The following TMTC2 variants were observed in gnomAD, a reference collection of about 807,000 sequenced individuals.
TMTC2 encodes the protein transmembrane O-mannosyltransferase targeting cadherins 2, also known as protein O-mannosyl-transferase TMTC2.
TMTC2 carries 43 observed loss-of-function variants against 82.4 expected under a neutral mutation model. That is an observed-to-expected ratio of 0.52 (90% CI 0.41 to 0.67). The LOEUF (loss-of-function observed/expected upper bound fraction) is 0.67, where lower values mean the gene tolerates loss of function less well. TMTC2 is among the 30% of genes least tolerant of loss of function. The probability of loss-of-function intolerance (pLI) is 0.00; values close to 1 mark genes in which losing one functional copy is unlikely to be tolerated. For synonymous variants in TMTC2, 408 were observed against 381.9 expected (o/e 1.07, Z -0.80); for missense variants, 919 against 1,012.4 (o/e 0.91, Z 1.25).
At chr12:82,921,646 G>T (rs1203367506) in intron 3 of TMTC2, among the ~76,000 whole-genome samples, 2 of 152,052 alleles carry the variant, frequency 1.3e-5, no homozygotes, top group Non-Finnish European at 2.9e-5. Context: ...TGAATACTCT[G>T]AATATTTGGA....
Position 82,687,564 on chromosome 12 carries a change from G to C in TMTC2, c.-23G>C. On this transcript the variant is annotated 5_prime_UTR_variant, in exon 1 of 12. Transcript: ENST00000321196. ...CTGCTGCCCTCGCGCTGGGAGCCGA[G>C]CCGGAGGGAAGGCGGTGGAGAGATG... The C allele has an allele frequency of 6.3e-7, 1 of 1,586,816 alleles. No individual in the cohort carries two copies. Among genetic ancestry groups the C allele is most frequent in the East Asian group, 2.3e-5 (1 of 44,046 alleles).
At chr12:83,067,428 A>T (rs1882958448) in intron 11 of TMTC2, among the ~76,000 whole-genome samples, 1 of 151,912 alleles carries the variant, frequency 6.6e-6, no homozygotes, top group Non-Finnish European at 1.5e-5. Flanking sequence ...TGAGACTGAA[A>T]ATGTGTCCAA....
At chr12:83,050,662 C>A (rs963038758) in intron 9 of TMTC2, among the ~76,000 whole-genome samples, 1 of 151,896 alleles carries the variant, frequency 6.6e-6, no homozygotes, top group African/African-American at 2.4e-5. Flanking sequence ...CATCATATAT[C>A]TTGCTGAATA....
chr12:82,948,050 A>C (rs916218685), intron 4 of TMTC2, among the ~76,000 whole-genome samples: 1 of 152,184 alleles, frequency 6.6e-6, no homozygotes, highest in African/African-American at 2.4e-5. Context: ...CACCAAAATT[A>C]AATCAACAAA....
At chr12:83,115,456 T>C (rs1884722184) in intron 11 of TMTC2, among the ~76,000 whole-genome samples, 1 of 152,156 alleles carries the variant, frequency 6.6e-6, no homozygotes, top group Admixed American at 6.5e-5. Context: ...ATTCTACTTA[T>C]TTTTATCCTT....
At chr12:82,856,482 G>A (rs1053206981) in intron 1 of TMTC2, among the ~76,000 whole-genome samples, 2 of 152,090 alleles carry the variant, frequency 1.3e-5, no homozygotes, top group Non-Finnish European at 2.9e-5. Flanking sequence ...CTCTCTCTCT[G>A]GCTTCTCCCC....
intron 2 of TMTC2, among the ~76,000 whole-genome samples, chr12:82,861,633 T>C (rs1288718227): frequency 1.3e-5 from 2 of 152,332 alleles, no homozygotes; most frequent in South Asian, 2.1e-4. Flanking sequence ...GCACTATTCT[T>C]AGTGTGCTAA....
At chr12:82,785,508 A>G (rs993172376) in intron 1 of TMTC2, among the ~76,000 whole-genome samples, 2 of 151,994 alleles carry the variant, frequency 1.3e-5, no homozygotes, top group African/African-American at 4.8e-5. Flanking sequence ...TGCTGGCAGT[A>G]AAGCTCTTTG....
intron 1 of TMTC2, among the ~76,000 whole-genome samples, chr12:82,827,145 A>T (rs1869462785): frequency 6.6e-6 from 1 of 152,220 alleles, no homozygotes; most frequent in Non-Finnish European, 1.5e-5. Flanking sequence ...AAGGAATACA[A>T]GGAGTAAGAT....
At chr12:82,849,757 G>T (rs1251180635) in intron 1 of TMTC2, among the ~76,000 whole-genome samples, 1 of 152,040 alleles carries the variant, frequency 6.6e-6, no homozygotes, top group Non-Finnish European at 1.5e-5. Flanking sequence ...TGACTAAGAG[G>T]CATTTACTGG....
chr12:82,977,942 C>G (rs915379487), intron 7 of TMTC2, among the ~76,000 whole-genome samples: 2 of 151,626 alleles, frequency 1.3e-5, no homozygotes, highest in East Asian at 1.9e-4. Context: ...TGGAAGGAAC[C>G]TAGATGCTTA....
intron 1 of TMTC2, among the ~76,000 whole-genome samples, chr12:82,782,246 TAA>T (rs1166111486): frequency 2.0e-5 from 3 of 152,078 alleles, no homozygotes; most frequent in Non-Finnish European, 2.9e-5. Context: ...CAAGAGTGTT[TAA>T]AAAGAGGACA....
intron 2 of TMTC2, among the ~76,000 whole-genome samples, chr12:82,871,301 T>C (rs148439815): frequency 3.3e-5 from 5 of 152,174 alleles, no homozygotes; most frequent in Admixed American, 6.5e-5. Context: ...CTTCCTGTTA[T>C]ACTGTTTTTG....
chr12:82,972,120 C>T (rs2137314650), intron 7 of TMTC2, among the ~76,000 whole-genome samples: 1 of 152,226 alleles, frequency 6.6e-6, no homozygotes, highest in South Asian at 2.1e-4. Flanking sequence ...AATACATATT[C>T]ATAATTTCCT....
chr12:83,041,829 CA>C (rs1353221310), intron 9 of TMTC2, among the ~76,000 whole-genome samples: 1 of 152,192 alleles, frequency 6.6e-6, no homozygotes, highest in African/African-American at 2.4e-5. Flanking sequence ...GGGTAAATCA[CA>C]GGGGCTTTTC....
At chr12:83,080,862 C>T (rs1228692805) in intron 11 of TMTC2, among the ~76,000 whole-genome samples, 1 of 152,084 alleles carries the variant, frequency 6.6e-6, no homozygotes, top group Non-Finnish European at 1.5e-5. Context: ...TGCCTATAAC[C>T]CATCCCCCAC....
intron 11 of TMTC2, among the ~76,000 whole-genome samples, chr12:83,090,016 T>A (rs1435852677): frequency 6.6e-6 from 1 of 152,192 alleles, no homozygotes; most frequent in Non-Finnish European, 1.5e-5. Context: ...TGTCTTCCAG[T>A]TCCCACATTT....
chr12:82,859,676 C>A (rs1333660359), intron 2 of TMTC2, among the ~76,000 whole-genome samples: 1 of 152,126 alleles, frequency 6.6e-6, no homozygotes, highest in Non-Finnish European at 1.5e-5. Flanking sequence ...ATAAGAAATG[C>A]CACTAGCAAG....
At chr12:83,111,803 T>A (rs1332395788) in intron 11 of TMTC2, among the ~76,000 whole-genome samples, 3 of 152,082 alleles carry the variant, frequency 2.0e-5, no homozygotes, top group Admixed American at 1.3e-4. Context: ...AAATTAAGAA[T>A]ATTGGGTGTA....
Sources: allele counts gnomAD v4.1 joint callset (sites outside exome capture counted in the v4.1 genomes callset), GRCh38; gene constraint gnomAD v4.1.1; transcripts MANE v1.5; gene names NCBI Gene and HGNC (gene_info 2026-07-23, HGNC 2026-07-21).